VIT: variants seen among roughly 807,000 people sequenced by gnomAD.
VIT encodes vitrin.
In VIT, 99 loss-of-function variants were observed where a neutral mutation model predicts 78.0. The observed-to-expected ratio is 1.27, with a 90% CI of 1.08 to 1.50. The LOEUF (loss-of-function observed/expected upper bound fraction) is 1.50, where lower values mean the gene tolerates loss of function less well. Among genes scored for constraint, VIT ranks in the 40% most tolerant of loss-of-function variants. The probability of loss-of-function intolerance (pLI) is 0.00; values close to 1 mark genes in which losing one functional copy is unlikely to be tolerated. For missense variants in VIT, 1,126 were observed against 875.3 expected (o/e 1.29, Z -3.61); for synonymous variants, 374 against 334.3 (o/e 1.12, Z -1.29).
At chr2:36,725,869 C>G (rs1443314569) in intron 2 of VIT, among the ~76,000 whole-genome samples, 1 of 152,030 alleles carries the variant, frequency 6.6e-6, no homozygotes, top group Admixed American at 6.5e-5. Flanking sequence ...GTCAGGAGTT[C>G]AAGACCAGCC....
At chr2:36,764,542 CT>C (rs1268097173) in intron 6 of VIT, among the ~76,000 whole-genome samples, 1 of 152,188 alleles carries the variant, frequency 6.6e-6, no homozygotes, top group Non-Finnish European at 1.5e-5. Context: ...GCTGTGAGCT[CT>C]TTAGTGATTT....
chr2:36,807,721 T>A (rs995440630), intron 14 of VIT, among the ~76,000 whole-genome samples: 1 of 152,218 alleles, frequency 6.6e-6, no homozygotes, highest in Non-Finnish European at 1.5e-5. Context: ...TTGCTCAAGG[T>A]GTATTTGCAG....
chr2:36,781,904 T>C, intron 10 of VIT, 133 bp downstream of exon 10: 1 of 1,102,282 alleles, frequency 9.1e-7, no homozygotes, highest in Non-Finnish European at 1.3e-6. Context: ...CTCCCGCCTC[T>C]GATTTAAGGG....
At chr2:36,812,299 C>T (rs1667229231) in intron 15 of VIT, among the ~76,000 whole-genome samples, 1 of 152,178 alleles carries the variant, frequency 6.6e-6, no homozygotes, top group African/African-American at 2.4e-5. Context: ...ATAGTGACAA[C>T]ACTGTGGGGG....
chr2:36,788,679 A>T (rs1471049562), intron 12 of VIT, among the ~76,000 whole-genome samples: 1 of 152,186 alleles, frequency 6.6e-6, no homozygotes, highest in Non-Finnish European at 1.5e-5. Flanking sequence ...TAGCCAATGG[A>T]TGACAGGTTT....
intron 12 of VIT, among the ~76,000 whole-genome samples, chr2:36,800,053 A>C (rs1352208590): frequency 5.3e-5 from 8 of 151,732 alleles, no homozygotes; most frequent in Non-Finnish European, 1.2e-4. Flanking sequence ...TCTCAAAAAA[A>C]AAAAAAAAAA....
intron 14 of VIT, among the ~76,000 whole-genome samples, chr2:36,807,286 C>G (rs1281163412): frequency 6.6e-6 from 1 of 152,212 alleles, no homozygotes; most frequent in Non-Finnish European, 1.5e-5. Context: ...TCAAGGCCTT[C>G]TGGGGTGCAG....
Position 36,814,490 on chromosome 2 carries a change from A to T in VIT, c.*129A>T. 1 of 1,147,904 alleles carries T rather than the reference A, an allele frequency of 8.7e-7. No individual in the cohort carries two copies. Among genetic ancestry groups the T allele is most frequent in the Non-Finnish European group, 1.2e-6 (1 of 841,396 alleles). 71.1% of individuals were successfully genotyped at this position (1,147,904 alleles called of 1,614,324 possible). A position where few individuals can be genotyped will look rare whatever the true frequency, so the allele number is the denominator to read the frequency against. ...GGCATGGAGAAACAAATGTCTTGTTATTATTCTTTGCCATCATGCTTTTTC... is the reference window on the plus strand; with the variant it reads ...GGCATGGAGAAACAAATGTCTTGTTTTTATTCTTTGCCATCATGCTTTTTC... On this transcript the variant is annotated 3_prime_UTR_variant, in exon 16 of 16. Transcript: ENST00000379242.
intron 12 of VIT, among the ~76,000 whole-genome samples, chr2:36,790,945 A>C (rs1448028249): frequency 6.6e-6 from 1 of 152,208 alleles, no homozygotes. Context: ...AACTCTAGTA[A>C]CGTGGCCAAA....
chr2:36,715,933 G>A (rs959334414), intron 1 of VIT, among the ~76,000 whole-genome samples: 6 of 152,114 alleles, frequency 3.9e-5, no homozygotes, highest in African/African-American at 9.7e-5. Flanking sequence ...CTAACAAAAC[G>A]TAGCCATATA....
chr2:36,726,818 CAAAAAAAAA>C (rs758452109), intron 2 of VIT, among the ~76,000 whole-genome samples: 2 of 111,604 alleles, frequency 1.8e-5, no homozygotes, highest in East Asian at 2.9e-4. Flanking sequence ...GACTCTGTCT[CAAAAAAAAA>C]AAAAAAAAAA....
At chr2:36,712,485 A>G (rs1665864627) in intron 1 of VIT, among the ~76,000 whole-genome samples, 1 of 152,332 alleles carries the variant, frequency 6.6e-6, no homozygotes, top group East Asian at 1.9e-4. Flanking sequence ...CAAAGTATCA[A>G]CACTGCTTTA....
At chr2:36,713,874 G>T (rs1179475892) in intron 1 of VIT, among the ~76,000 whole-genome samples, 1 of 152,150 alleles carries the variant, frequency 6.6e-6, no homozygotes, top group Non-Finnish European at 1.5e-5. Flanking sequence ...TATCCAATAG[G>T]AAAGTTAAAC....
chr2:36,805,690 C>A, intron 14 of VIT, 26 bp downstream of exon 14: 1 of 1,597,084 alleles, frequency 6.3e-7, no homozygotes, highest in Non-Finnish European at 8.6e-7. Flanking sequence ...GAGACCTACC[C>A]AACATCAGGA....
At chr2:36,753,293 A>G (rs1392382426) in intron 4 of VIT, among the ~76,000 whole-genome samples, 1 of 152,114 alleles carries the variant, frequency 6.6e-6, no homozygotes, top group East Asian at 1.9e-4. Context: ...TGATCTGTGC[A>G]GCAAAAACAC....
At chr2:36,809,508 C>T (rs574709335) in intron 15 of VIT, among the ~76,000 whole-genome samples, 4 of 152,178 alleles carry the variant, frequency 2.6e-5, no homozygotes, top group Non-Finnish European at 5.9e-5. Context: ...ACCTCTGCCT[C>T]CCAGGTTGAA....
At chr2:36,798,991 T>G (rs1558583625) in intron 12 of VIT, among the ~76,000 whole-genome samples, 1 of 152,204 alleles carries the variant, frequency 6.6e-6, no homozygotes, top group Non-Finnish European at 1.5e-5. Context: ...TGTTGTTTGT[T>G]TCTGTTTAGT....
At chr2:36,812,528 T>C (rs376684658) in intron 15 of VIT, among the ~76,000 whole-genome samples, 2 of 152,104 alleles carry the variant, frequency 1.3e-5, no homozygotes, top group African/African-American at 2.4e-5. Context: ...GGATGCCTTA[T>C]CTCTGAATCC....
intron 4 of VIT, among the ~76,000 whole-genome samples, chr2:36,743,706 T>A: frequency 6.6e-6 from 1 of 152,238 alleles, no homozygotes; most frequent in East Asian, 1.9e-4. Context: ...TGTCTCCAAA[T>A]ATTCTTGTTT....
Sources: allele counts gnomAD v4.1 joint callset (sites outside exome capture counted in the v4.1 genomes callset), GRCh38; gene constraint gnomAD v4.1.1; transcripts MANE v1.5; gene names NCBI Gene and HGNC (gene_info 2026-07-23, HGNC 2026-07-21).